Variants in MCC observed in about 807,000 individuals in gnomAD.
MCC encodes the protein MCC regulator of Wnt signaling pathway.
In MCC, 90 loss-of-function variants were observed where a neutral mutation model predicts 116.2. The ratio of observed to expected loss-of-function variants is 0.77; its 90% CI spans 0.65 to 0.92. The LOEUF is 0.92. MCC is among the 40% of genes least tolerant of loss of function. The probability of loss-of-function intolerance (pLI) is 0.00; values close to 1 mark genes in which losing one functional copy is unlikely to be tolerated. For missense variants in MCC, 1,516 were observed against 1,312.2 expected (o/e 1.16, Z -2.40); for synonymous variants, 578 against 510.5 (o/e 1.13, Z -1.78).
chr5:113,239,414 C>T (rs991441371), intron 3 of MCC, among the ~76,000 whole-genome samples: 1 of 152,074 alleles, frequency 6.6e-6, no homozygotes, highest in Non-Finnish European at 1.5e-5. Flanking sequence ...CCAGGGGGTC[C>T]TCGCATGCAG....
chr5:113,442,137 A>G (rs1771059492), intron 1 of MCC, among the ~76,000 whole-genome samples: 1 of 152,004 alleles, frequency 6.6e-6, no homozygotes, highest in Admixed American at 6.6e-5. Context: ...AAGCTTTTCT[A>G]TTTCTCCACA....
At chr5:113,341,103 A>G (rs1372497853) in intron 2 of MCC, among the ~76,000 whole-genome samples, 2 of 152,198 alleles carry the variant, frequency 1.3e-5, no homozygotes, top group African/African-American at 4.8e-5. Flanking sequence ...AACTGAGGAA[A>G]AAGGAAGCAA....
At chr5:113,274,006 C>G (rs1421780371) in intron 3 of MCC, among the ~76,000 whole-genome samples, 2 of 152,174 alleles carry the variant, frequency 1.3e-5, no homozygotes, top group Admixed American at 1.3e-4. Flanking sequence ...GGCTTCGCCT[C>G]TGCACAGAAA....
At chr5:113,379,128 T>A (rs1393180231) in intron 2 of MCC, among the ~76,000 whole-genome samples, 1 of 152,232 alleles carries the variant, frequency 6.6e-6, no homozygotes, top group African/African-American at 2.4e-5. Context: ...TGTCTGTCAT[T>A]TCTGGGAGTG....
At chr5:113,212,259 A>G (rs1379947227) in intron 3 of MCC, among the ~76,000 whole-genome samples, 1 of 152,132 alleles carries the variant, frequency 6.6e-6, no homozygotes, top group East Asian at 1.9e-4. Flanking sequence ...AAGGCAAGAA[A>G]AAGCCATTCC....
At chr5:113,294,950 G>C (rs968486095) in intron 3 of MCC, 3 of 985,418 alleles carry the variant, frequency 3.0e-6, no homozygotes, top group South Asian at 4.7e-5. Flanking sequence ...AGTGGTTTCT[G>C]ATTGAACACA....
intron 7 of MCC, among the ~76,000 whole-genome samples, 177 bp downstream of exon 7, chr5:113,104,015 A>G (rs1417458231): frequency 6.6e-6 from 1 of 152,214 alleles, no homozygotes; most frequent in Non-Finnish European, 1.5e-5. Context: ...GAAATAAATC[A>G]GCCCAACCAA....
chr5:113,313,380 G>A (rs544589245), intron 3 of MCC, among the ~76,000 whole-genome samples: 1 of 152,150 alleles, frequency 6.6e-6, no homozygotes, highest in South Asian at 2.1e-4. Context: ...ACAAAAACGT[G>A]TAGAGAAGGA....
chr5:113,146,291 T>C (rs1045859387), intron 4 of MCC, among the ~76,000 whole-genome samples: 12 of 518 alleles, frequency 0.023, no homozygotes, highest in Non-Finnish European at 0.086. Flanking sequence ...ACTTCTCTTC[T>C]GGAGAACAAA....
At chr5:113,438,414 T>C (rs1039361457) in intron 1 of MCC, among the ~76,000 whole-genome samples, 1 of 152,192 alleles carries the variant, frequency 6.6e-6, no homozygotes, top group Admixed American at 6.5e-5. Context: ...TCTCGGAAAG[T>C]AACTTGATCT....
At chr5:113,294,809 CG>C (rs1766658421) in intron 3 of MCC, 7 of 986,578 alleles carry the variant, frequency 7.1e-6, no homozygotes, top group Non-Finnish European at 7.2e-6. Context: ...GGCGAGCTCC[CG>C]AAAAAACTAG....
chr5:113,447,765 C>T, intron 1 of MCC, among the ~76,000 whole-genome samples: 1 of 152,246 alleles, frequency 6.6e-6, no homozygotes, highest in East Asian at 1.9e-4. Context: ...GATGCATATG[C>T]TGCCTCTTAG....
At chr5:113,255,323 C>T (rs1486541834) in intron 3 of MCC, among the ~76,000 whole-genome samples, 5 of 152,090 alleles carry the variant, frequency 3.3e-5, no homozygotes, top group Non-Finnish European at 7.4e-5. Flanking sequence ...TGCAATTTTT[C>T]CTTCCCTGTT....
chr5:113,269,102 G>A, intron 3 of MCC: 2 of 884,468 alleles, frequency 2.3e-6, no homozygotes, highest in Non-Finnish European at 2.7e-6. Flanking sequence ...AGACAGGGAT[G>A]AAGGAAATAA....
intron 13 of MCC, among the ~76,000 whole-genome samples, chr5:113,067,073 C>T (rs1450964666): frequency 6.6e-6 from 1 of 152,234 alleles, no homozygotes; most frequent in Non-Finnish European, 1.5e-5. Context: ...TCACTGGCCA[C>T]GTTTTAGCAA....
Position 113,027,429 on chromosome 5 carries a change from T to C in MCC, c.2933A>G (p.Lys978Arg), listed in dbSNP as rs1335834406. ...GGCCATCATCTGCGACTCTAACTTC[T>C]TCAGTTTGTTTTGATGCTTTTTCTT... Reference protein sequence around the residue: ...KAKKKHQNKLKKLESQMMAMV... With the variant: ...KAKKKHQNKLRKLESQMMAMV... Residue 978 changes from lysine to arginine, a missense_variant, in exon 19 of 19, where the codon AAG becomes AGG. Physicochemically the swap from Lys to Arg is conservative, Grantham distance 26. Coordinates refer to ENST00000408903, the MANE Select transcript of MCC (RefSeq NM_001085377.2). 1.9e-6 allele frequency: 3 copies of C among 1,614,236 alleles called. No individual in the cohort carries two copies. The highest frequency in any genetic ancestry group is 2.5e-6 in the Non-Finnish European group (3 of 1,180,042).
intron 13 of MCC, among the ~76,000 whole-genome samples, chr5:113,065,586 C>T (rs1753548474): frequency 6.6e-6 from 1 of 152,210 alleles, no homozygotes; most frequent in Non-Finnish European, 1.5e-5. Flanking sequence ...CACCCTCCAA[C>T]CCCACTGCCG....
intron 3 of MCC, among the ~76,000 whole-genome samples, chr5:113,158,020 T>C (rs185269094): frequency 6.6e-6 from 1 of 152,198 alleles, no homozygotes; most frequent in African/African-American, 2.4e-5. Flanking sequence ...GCACAGACAG[T>C]GCAGATATGC....
intron 3 of MCC, chr5:113,234,706 C>T (rs1299323704): frequency 6.6e-6 from 1 of 152,214 alleles, no homozygotes; most frequent in Non-Finnish European, 1.5e-5. Flanking sequence ...GACTCTTCTT[C>T]CTGCCCATTT....
Sources: allele counts gnomAD v4.1 joint callset (sites outside exome capture counted in the v4.1 genomes callset), GRCh38; gene constraint gnomAD v4.1.1; transcripts MANE v1.5; gene names NCBI Gene and HGNC (gene_info 2026-07-23, HGNC 2026-07-21).